The following CADM2 variants were observed in gnomAD, a reference collection of about 807,000 sequenced individuals.
CADM2 encodes the protein immunoglobulin superfamily member 4D.
Under a neutral mutation model 49.8 loss-of-function variants are expected in CADM2, and 12 were observed. The ratio of observed to expected loss-of-function variants is 0.24; its 90% CI spans 0.15 to 0.39. CADM2 has a LOEUF of 0.39. Among genes scored for constraint, CADM2 ranks in the 10% least tolerant of loss-of-function variants. The pLI, the probability that CADM2 is intolerant of heterozygous loss-of-function variation, is 1.00. For missense variants in CADM2, 378 were observed against 492.3 expected, an observed-to-expected ratio of 0.77 and a Z score of 2.20; for synonymous variants, 214 against 175.4, an observed-to-expected ratio of 1.22 and a Z score of -1.74.
At chr3:85,809,408 T>C (rs2072667639) in intron 3 of CADM2, among the ~76,000 whole-genome samples, 1 of 151,916 alleles carries the variant, frequency 6.6e-6, no homozygotes, top group Admixed American at 6.6e-5. Flanking sequence ...CTGGCCAACA[T>C]GGTGAAACCC....
intron 1 of CADM2, among the ~76,000 whole-genome samples, chr3:85,217,004 T>G (rs2041942681): frequency 6.6e-6 from 1 of 151,960 alleles, no homozygotes; most frequent in Non-Finnish European, 1.5e-5. Flanking sequence ...GAGAATGCAT[T>G]CTTTCTTATA....
chr3:85,568,467 TTCTCTC>T lies in CADM2; in HGVS notation c.62-158051_62-158046del, dbSNP rs763270112. ...TCTTTCTTTCTTTCTTTCTTTCTCT[TTCTCTC>T]TCTTTCTTTCTTTCTTTCTTTCTTT... On this transcript the variant is annotated intron_variant, in intron 1 of 9. Transcript: ENST00000383699. 9.0e-4 allele frequency among the ~76,000 whole-genome samples: 22 copies of T among 24,508 alleles called. 3 individuals are homozygous for T. Among genetic ancestry groups the T allele is most frequent in the African/African-American group, 2.3e-3 (19 of 8,196 alleles). The allele number at this position is 24,508 out of a possible 152,430, so 16.1% of individuals were successfully genotyped here. A position where few individuals can be genotyped will look rare whatever the true frequency, so the allele number is the denominator to read the frequency against.
chr3:85,177,655 A>T (rs1467456904), intron 1 of CADM2, among the ~76,000 whole-genome samples: 4 of 152,150 alleles, frequency 2.6e-5, no homozygotes, highest in African/African-American at 9.6e-5. Context: ...ACTAAAAATA[A>T]TGACTGTAAT....
chr3:85,066,654 C>T (rs896562792), intron 1 of CADM2, among the ~76,000 whole-genome samples: 3 of 152,102 alleles, frequency 2.0e-5, no homozygotes, highest in Non-Finnish European at 4.4e-5. Flanking sequence ...TCCCTCTCCT[C>T]CCCTGCTGTC....
At chr3:85,662,218 T>G (rs1266851126) in intron 1 of CADM2, among the ~76,000 whole-genome samples, 3 of 148,594 alleles carry the variant, frequency 2.0e-5, no homozygotes, top group African/African-American at 7.5e-5. Context: ...ATTAAAATTT[T>G]GACAGTATAG....
At chr3:85,516,209 G>A (rs1279344677) in intron 1 of CADM2, among the ~76,000 whole-genome samples, 1 of 152,066 alleles carries the variant, frequency 6.6e-6, no homozygotes, top group Non-Finnish European at 1.5e-5. Context: ...CAGATCCTGT[G>A]TTCCATTGTC....
rs930298632 is a variant in CADM2, at chr3:85,363,773, G to A, written c.62-362749G>A. 4.6e-5 allele frequency among the ~76,000 whole-genome samples: 7 copies of A among 152,160 alleles called. No homozygotes were observed. The East Asian group carries it at 7.8e-4, about 17-fold the overall frequency. ...ACTACAGGCGCCCGCCACCGCGCCC[G>A]GCTAATTTTTTGTATTTTCAGTAGA... On this transcript the variant is annotated intron_variant, in intron 1 of 9. Transcript: ENST00000383699.
At chr3:85,125,022 G>C (rs2038982305) in intron 1 of CADM2, among the ~76,000 whole-genome samples, 1 of 152,100 alleles carries the variant, frequency 6.6e-6, no homozygotes, top group Non-Finnish European at 1.5e-5. Context: ...CTAAGAACAG[G>C]GAGATCAGAG....
At chr3:85,726,375 C>A (rs2067696308) in intron 1 of CADM2, 147 bp from the exon 2 acceptor site, 2 of 824,798 alleles carry the variant, frequency 2.4e-6, no homozygotes, top group Non-Finnish European at 4.0e-6. Flanking sequence ...TAACAATAGT[C>A]ATTTTGTTTC....
At chr3:85,730,217 G>A (rs2107793253) in intron 2 of CADM2, among the ~76,000 whole-genome samples, 1 of 152,154 alleles carries the variant, frequency 6.6e-6, no homozygotes, top group African/African-American at 2.4e-5. Context: ...CAAGGCAGGT[G>A]GATCACTTGA....
intron 8 of CADM2, among the ~76,000 whole-genome samples, chr3:86,041,836 C>T (rs1428360710): frequency 6.6e-6 from 1 of 152,194 alleles, no homozygotes; most frequent in African/African-American, 2.4e-5. Flanking sequence ...GGAAGTAAAA[C>T]ACTCCTCAGC....
intron 1 of CADM2, among the ~76,000 whole-genome samples, chr3:85,597,295 T>G (rs2063272385): frequency 6.6e-6 from 1 of 152,090 alleles, no homozygotes; most frequent in African/African-American, 2.4e-5. Context: ...AATCTTAAAT[T>G]CATCTAAGTC....
intron 3 of CADM2, among the ~76,000 whole-genome samples, chr3:85,854,252 C>T (rs1029911224): frequency 1.3e-5 from 2 of 152,140 alleles, no homozygotes; most frequent in Admixed American, 1.3e-4. Flanking sequence ...TTCTAAATCC[C>T]ATTTGACTCA....
At chr3:85,909,990 T>C (rs1426518866) in intron 5 of CADM2, among the ~76,000 whole-genome samples, 3 of 152,186 alleles carry the variant, frequency 2.0e-5, no homozygotes, top group Admixed American at 6.5e-5. Flanking sequence ...CCCTATAATC[T>C]ATCACATAAG....
chr3:85,550,985 T>A (rs1051335852), intron 1 of CADM2, among the ~76,000 whole-genome samples: 1 of 152,050 alleles, frequency 6.6e-6, no homozygotes, highest in African/African-American at 2.4e-5. Flanking sequence ...TTTGTTTATT[T>A]ATTTATTTAT....
rs1399566623 is a variant in CADM2 at position 85,693,850 on chromosome 3, C to T, written c.62-32672C>T. Among the ~76,000 whole-genome samples, 11 of 143,624 alleles carry T rather than the reference C, an allele frequency of 7.7e-5. No individual in the cohort carries two copies. The Admixed American group carries it at 7.7e-4, about 10-fold the overall frequency. 94.2% of individuals were successfully genotyped at this position (143,624 alleles called of 152,430 possible). A position where few individuals can be genotyped will look rare whatever the true frequency, so the allele number is the denominator to read the frequency against. On this transcript the variant is annotated intron_variant, in intron 1 of 9. Transcript: ENST00000383699. ...GGCAGAGGTTGCAGTGAGCCAAGATCGCACCACTGTACTCCAGCCTGGGCT... is the reference window on the plus strand; with the variant it reads ...GGCAGAGGTTGCAGTGAGCCAAGATTGCACCACTGTACTCCAGCCTGGGCT...
chr3:85,790,144 C>T (rs1376170030), intron 2 of CADM2, among the ~76,000 whole-genome samples: 1 of 152,138 alleles, frequency 6.6e-6, no homozygotes, highest in Non-Finnish European at 1.5e-5. Flanking sequence ...GAAATAATAA[C>T]TGTGCTGGGA....
chr3:85,392,876 C>A (rs1230158165), intron 1 of CADM2, among the ~76,000 whole-genome samples: 1 of 151,942 alleles, frequency 6.6e-6, no homozygotes, highest in African/African-American at 2.4e-5. Flanking sequence ...CACATGGAGG[C>A]CTTCATATTT....
At chr3:85,298,334 A>C (rs76836015) in intron 1 of CADM2, among the ~76,000 whole-genome samples, 1 of 152,050 alleles carries the variant, frequency 6.6e-6, no homozygotes, top group African/African-American at 2.4e-5. Context: ...TGAGACTTCA[A>C]TTGGCCATCC....
Sources: allele counts gnomAD v4.1 joint callset (sites outside exome capture counted in the v4.1 genomes callset), GRCh38; gene constraint gnomAD v4.1.1; transcripts MANE v1.5; gene names NCBI Gene and HGNC (gene_info 2026-07-23, HGNC 2026-07-21).